Variants in CDYL observed in about 807,000 individuals in gnomAD.
CDYL encodes the protein chromodomain Y like, also known as chromodomain Y-like protein.
A neutral mutation model predicts 47.3 loss-of-function variants in CDYL; 8 were observed. That is an observed-to-expected ratio of 0.17 (90% confidence interval 0.10 to 0.31). The LOEUF (loss-of-function observed/expected upper bound fraction) is 0.31. Among genes scored for constraint, CDYL ranks in the 10% least tolerant of loss-of-function variants. The pLI, the probability that CDYL is intolerant of heterozygous loss-of-function variation, is 1.00. For missense variants in CDYL, 471 were observed against 701.4 expected, an observed-to-expected ratio of 0.67 and a Z score of 3.71; for synonymous variants, 266 against 265.0, an observed-to-expected ratio of 1.00 and a Z score of -0.04.
At chr6:4,753,093 G>T (rs1158683563) in intron 3 of CDYL, among the ~76,000 whole-genome samples, 4 of 151,976 alleles carry the variant, frequency 2.6e-5, no homozygotes, top group Non-Finnish European at 5.9e-5. Context: ...AATCCTTCTG[G>T]TAGAGACGGG....
intron 2 of CDYL, among the ~76,000 whole-genome samples, chr6:4,734,109 G>A (rs932804055): frequency 1.3e-5 from 2 of 152,136 alleles, no homozygotes; most frequent in Non-Finnish European, 2.9e-5. Flanking sequence ...CAAAGTGCTG[G>A]GATTACAGGC....
At chr6:4,903,712 T>C (rs1405750675) in intron 2 of CDYL, among the ~76,000 whole-genome samples, 1 of 152,170 alleles carries the variant, frequency 6.6e-6, no homozygotes, top group African/African-American at 2.4e-5. Context: ...TGGAGTCTGC[T>C]TTACTTGATT....
intron 1 of CDYL, among the ~76,000 whole-genome samples, chr6:4,879,554 T>G (rs1010028330): frequency 0.011 from 654 of 58,774 alleles, 2 homozygotes; most frequent in Non-Finnish European, 0.014. Flanking sequence ...TTTGTGGGGT[T>G]TTTTTTTTTT....
intron 4 of CDYL, among the ~76,000 whole-genome samples, chr6:4,938,509 A>G (rs1758270782): frequency 2.6e-5 from 4 of 152,160 alleles, no homozygotes. Context: ...GTGTATTGAA[A>G]CACGAATACA....
chr6:4,765,654 T>G (rs1758241625), intron 3 of CDYL, among the ~76,000 whole-genome samples: 1 of 151,932 alleles, frequency 6.6e-6, no homozygotes, highest in Admixed American at 6.6e-5. Flanking sequence ...ACCTCTGCCT[T>G]CCAGGTTCAA....
chr6:4,791,971 C>T (rs1159909083), intron 1 of CDYL, among the ~76,000 whole-genome samples: 2 of 151,366 alleles, frequency 1.3e-5, no homozygotes, highest in Admixed American at 1.3e-4. Context: ...CAAGCTCCAC[C>T]TCCTGGGTTC....
At chr6:4,825,795 A>C (rs1398500666) in intron 1 of CDYL, among the ~76,000 whole-genome samples, 4 of 152,110 alleles carry the variant, frequency 2.6e-5, no homozygotes, top group East Asian at 1.9e-4. Context: ...TTTGTAACCC[A>C]AAAATTAATA....
intron 1 of CDYL, among the ~76,000 whole-genome samples, chr6:4,815,597 GTTATTA>G (rs1759649405): frequency 6.6e-6 from 1 of 150,414 alleles, no homozygotes; most frequent in South Asian, 2.1e-4. Flanking sequence ...ATCAATACTG[GTTATTA>G]TCAGTCTTTA....
At chr6:4,840,950 C>G (rs554285551) in intron 1 of CDYL, among the ~76,000 whole-genome samples, 1 of 152,142 alleles carries the variant, frequency 6.6e-6, no homozygotes, top group African/African-American at 2.4e-5. Flanking sequence ...AGGAAGGATT[C>G]CCTCTTTATC....
At chr6:4,771,243 G>GGC (rs1045508377) in intron 3 of CDYL, among the ~76,000 whole-genome samples, 5 of 151,954 alleles carry the variant, frequency 3.3e-5, no homozygotes, top group African/African-American at 1.2e-4. Context: ...CCTCCCGAGT[G>GGC]GCTGGGATTA....
At chr6:4,722,295 C>T (rs566520486) in intron 2 of CDYL, among the ~76,000 whole-genome samples, 23 of 151,716 alleles carry the variant, frequency 1.5e-4, no homozygotes, top group Non-Finnish European at 7.4e-5. Flanking sequence ...GACCCCATCT[C>T]AACAAAAAAA....
intron 3 of CDYL, among the ~76,000 whole-genome samples, chr6:4,763,649 A>T (rs746976635): frequency 6.6e-6 from 1 of 152,166 alleles, no homozygotes; most frequent in African/African-American, 2.4e-5. Context: ...TAATAGAATA[A>T]TTTTTTTGTA....
intron 1 of CDYL, among the ~76,000 whole-genome samples, chr6:4,855,594 A>G (rs1352272011): frequency 6.6e-6 from 1 of 152,196 alleles, no homozygotes; most frequent in African/African-American, 2.4e-5. Context: ...TGGTGGAAGG[A>G]CCAGGGGAAT....
intron 2 of CDYL, among the ~76,000 whole-genome samples, chr6:4,918,529 C>G (rs1190882009): frequency 1.3e-5 from 2 of 152,200 alleles, no homozygotes; most frequent in Middle Eastern, 3.4e-3. Context: ...GAATTTATCC[C>G]TATATGCTTA....
At chr6:4,935,419 T>C in intron 2 of CDYL, 96 bp from the exon 3 acceptor site, 2 of 1,034,018 alleles carry the variant, frequency 1.9e-6, no homozygotes, top group African/African-American at 1.6e-5. Flanking sequence ...TAATCCTAAG[T>C]GTGTAATGAA....
In CDYL at chr6:4,795,474, T is replaced by C. The variant is rs187378893; in HGVS notation, c.24+18667T>C. On this transcript the variant is annotated intron_variant, in intron 1 of 6. Transcript: ENST00000397588. ...TGTTTTTTTCTGGTTTTGGCTTTAC[T>C]TGCCTAAAAAATCATCTGAGCCTCT... 3.3e-4 allele frequency among the ~76,000 whole-genome samples: 50 copies of C among 152,330 alleles called. No individual in the cohort carries two copies. In the East Asian group the frequency reaches 5.8e-3, roughly 18 times the overall value.
At chr6:4,836,952 T>A (rs1015246117) in intron 1 of CDYL, among the ~76,000 whole-genome samples, 1 of 152,146 alleles carries the variant, frequency 6.6e-6, no homozygotes, top group African/African-American at 2.4e-5. Context: ...GGTGCAGGTA[T>A]GTGTGTCTGC....
chr6:4,732,664 T>TTA (rs1757625692), intron 2 of CDYL, among the ~76,000 whole-genome samples: 4 of 78,660 alleles, frequency 5.1e-5, no homozygotes, highest in Admixed American at 1.6e-4. Context: ...TCCTGTTTTT[T>TTA]AAAAAAAAAG....
At chr6:4,734,715 A>G (rs1757671199) in intron 2 of CDYL, 1 of 1,608,270 alleles carries the variant, frequency 6.2e-7, no homozygotes, top group African/African-American at 1.3e-5. Context: ...GATGGGGAAG[A>G]GGATGGGTCC....
Sources: gnomAD v4.1 joint callset for allele counts (sites outside exome capture counted in the v4.1 genomes callset) on GRCh38, gnomAD v4.1.1 for gene constraint, MANE v1.5 for transcripts, NCBI Gene and HGNC (gene_info 2026-07-23, HGNC 2026-07-21) for gene names.